Variants in ARMC2 observed in about 807,000 individuals in gnomAD.
ARMC2 encodes the protein armadillo repeat containing 2.
Under a neutral mutation model 90.3 loss-of-function variants are expected in ARMC2, and 67 were observed. The ratio of observed to expected loss-of-function variants is 0.74; its 90% CI spans 0.61 to 0.91. The LOEUF is 0.91. Among genes scored for constraint, ARMC2 ranks in the 40% least tolerant of loss-of-function variants. The pLI is 0.00. For missense variants in ARMC2, 920 were observed against 1,030.9 expected, an observed-to-expected ratio of 0.89 and a Z score of 1.47; for synonymous variants, 393 against 393.0, an observed-to-expected ratio of 1.00 and a Z score of 0.00.
At chr6:108,941,443 A>C (rs1776427788) in intron 12 of ARMC2, among the ~76,000 whole-genome samples, 1 of 152,202 alleles carries the variant, frequency 6.6e-6, no homozygotes, top group African/African-American at 2.4e-5. Context: ...AAGGTATGGA[A>C]TAGGTGGAGG....
the ARMC2 span, among the ~76,000 whole-genome samples, chr6:108,997,068 T>C: frequency 6.6e-6 from 1 of 152,166 alleles, no homozygotes; most frequent in African/African-American, 2.4e-5. Context: ...TTACCATTTG[T>C]ATCTGAAGAG....
chr6:108,903,182 A>G (rs982102949), intron 7 of ARMC2, among the ~76,000 whole-genome samples: 1 of 152,130 alleles, frequency 6.6e-6, no homozygotes, highest in African/African-American at 2.4e-5. Flanking sequence ...AAATATAGGT[A>G]TTACTTTCCT....
At chr6:109,051,000 T>G in the ARMC2 span, among the ~76,000 whole-genome samples, 1 of 152,180 alleles carries the variant, frequency 6.6e-6, no homozygotes, top group Non-Finnish European at 1.5e-5. Context: ...TAGCATGACT[T>G]CAAGTAAGAA....
At chr6:108,920,795 C>T (rs1774480939) in intron 10 of ARMC2, among the ~76,000 whole-genome samples, 1 of 152,092 alleles carries the variant, frequency 6.6e-6, no homozygotes, top group Admixed American at 6.5e-5. Flanking sequence ...AGGAGCAGAA[C>T]ACCTTTGTTC....
At chr6:109,014,715 C>T in the ARMC2 span, among the ~76,000 whole-genome samples, 1 of 152,088 alleles carries the variant, frequency 6.6e-6, no homozygotes, top group Non-Finnish European at 1.5e-5. Context: ...ATTTCTGTCA[C>T]TCCTCTCAGT....
At chr6:108,945,039 G>A (rs1368330789) in intron 12 of ARMC2, among the ~76,000 whole-genome samples, 4 of 152,146 alleles carry the variant, frequency 2.6e-5, no homozygotes, top group Admixed American at 2.6e-4. Context: ...AAACTTTAGA[G>A]TTAGGTAAAA....
the ARMC2 span, chr6:108,988,245 A>G: frequency 4.4e-6 from 1 of 226,582 alleles, no homozygotes; most frequent in African/African-American, 2.3e-5. Flanking sequence ...AAGATGTTTC[A>G]AAGAGAACAG....
At chr6:108,906,210 A>C (rs1184086825) in intron 8 of ARMC2, among the ~76,000 whole-genome samples, 1 of 152,136 alleles carries the variant, frequency 6.6e-6, no homozygotes, top group African/African-American at 2.4e-5. Flanking sequence ...CTATATTAAG[A>C]TTTTTTAAAG....
At chr6:109,025,417 G>A in the ARMC2 span, among the ~76,000 whole-genome samples, 4 of 151,410 alleles carry the variant, frequency 2.6e-5, no homozygotes, top group Non-Finnish European at 5.9e-5. Flanking sequence ...CAATTCCAAT[G>A]AATATAAGCT....
the ARMC2 span, among the ~76,000 whole-genome samples, chr6:109,004,453 TG>T: frequency 2.0e-5 from 3 of 151,652 alleles, no homozygotes; most frequent in East Asian, 1.9e-4. Context: ...TTTTTTTTTT[TG>T]GAGACAGAGT....
At chr6:109,052,228 G>A in the ARMC2 span, among the ~76,000 whole-genome samples, 1 of 152,120 alleles carries the variant, frequency 6.6e-6, no homozygotes, top group Non-Finnish European at 1.5e-5. Context: ...CTTTGTAGTT[G>A]CTCAGTAAAT....
At chr6:108,901,629 C>T (rs1048169230) in intron 7 of ARMC2, among the ~76,000 whole-genome samples, 1 of 152,042 alleles carries the variant, frequency 6.6e-6, no homozygotes, top group East Asian at 1.9e-4. Flanking sequence ...GTTGGCCAGG[C>T]TGGTCTCAAA....
intron 12 of ARMC2, among the ~76,000 whole-genome samples, chr6:108,942,146 A>C (rs950430829): frequency 1.3e-5 from 2 of 152,234 alleles, no homozygotes; most frequent in Non-Finnish European, 2.9e-5. Context: ...TTGTCCTGAT[A>C]GACCGAGATG....
chr6:109,027,970 TTGATA>T, the ARMC2 span, among the ~76,000 whole-genome samples: 1 of 152,240 alleles, frequency 6.6e-6, no homozygotes, highest in African/African-American at 2.4e-5. Flanking sequence ...TACAAGTACT[TTGATA>T]TATGTGTTAT....
At chr6:109,024,248 G>A in the ARMC2 span, among the ~76,000 whole-genome samples, 2 of 152,144 alleles carry the variant, frequency 1.3e-5, no homozygotes, top group East Asian at 3.9e-4. Context: ...ATTATAACAA[G>A]CTTCTTTATC....
At chr6:108,991,923 A>G in the ARMC2 span, among the ~76,000 whole-genome samples, 2 of 151,862 alleles carry the variant, frequency 1.3e-5, no homozygotes, top group Non-Finnish European at 2.9e-5. Context: ...CTATCCCTCA[A>G]CCTAAGCTTA....
chr6:109,001,235 A>G, the ARMC2 span: 2 of 1,460,762 alleles, frequency 1.4e-6, no homozygotes, highest in East Asian at 4.5e-5. Flanking sequence ...ACTGTCTCTT[A>G]AAGAGATTAA....
the ARMC2 span, among the ~76,000 whole-genome samples, chr6:108,980,502 C>T: frequency 8.3e-6 from 1 of 120,500 alleles, no homozygotes; most frequent in Non-Finnish European, 1.9e-5. Flanking sequence ...GTCTGCTCCT[C>T]CTCAGGAGTT....
In ARMC2 at chr6:108,953,299, C is replaced by G. The variant is rs1777333220; in HGVS notation, c.1863C>G (p.Gly621=). 1 of 1,610,766 alleles carries G rather than the reference C, an allele frequency of 6.2e-7. No homozygotes were observed. The change falls in exon 13 of 18, where the codon GGC becomes GGG. Residue 621 remains glycine, a synonymous_variant. Coordinates refer to ENST00000392644, the MANE Select transcript of ARMC2 (RefSeq NM_032131.6). Reference sequence around the variant, plus strand: ...ACATTGCCATCCACCCGGGCGTGGGCCCGGTGCTGGCCGCCAACCCGGGGA... The same window carrying G: ...ACATTGCCATCCACCCGGGCGTGGGGCCGGTGCTGGCCGCCAACCCGGGGA... ...LANIAIHPGV[G]PVLAANPGIV...
Sources: allele counts gnomAD v4.1 joint callset (sites outside exome capture counted in the v4.1 genomes callset), GRCh38; gene constraint gnomAD v4.1.1; transcripts MANE v1.5; gene names NCBI Gene and HGNC (gene_info 2026-07-23, HGNC 2026-07-21).